Variants in IPO7 observed in about 807,000 individuals in gnomAD.
IPO7 encodes importin 7.
IPO7 carries 13 observed loss-of-function variants against 136.4 expected under a neutral mutation model. The observed-to-expected ratio is 0.10, with a 90% confidence interval of 0.06 to 0.15. The LOEUF (loss-of-function observed/expected upper bound fraction) is 0.15, where lower values mean the gene tolerates loss of function less well. Among genes scored for constraint, IPO7 ranks in the 10% least tolerant of loss-of-function variants. The probability of loss-of-function intolerance (pLI) is 1.00; values close to 1 mark genes in which losing one functional copy is unlikely to be tolerated. For synonymous variants in IPO7, 403 were observed against 404.4 expected, an observed-to-expected ratio of 1.00 and a Z score of 0.04; for missense variants, 857 against 1,240.6, an observed-to-expected ratio of 0.69 and a Z score of 4.65.
chr11:9,414,333 C>T lies in IPO7; in HGVS notation c.558C>T (p.Ile186=), dbSNP rs1228057703. 2 of 1,612,634 alleles carry T rather than the reference C, an allele frequency of 1.2e-6. No individual in the cohort carries two copies. Among genetic ancestry groups the T allele is most frequent in the Admixed American group, 3.3e-5 (2 of 59,974 alleles). Residue 186 remains isoleucine, a synonymous_variant, in exon 5 of 25, where the codon ATC becomes ATT. Transcript: ENST00000379719. ...TGCCAGTTCTAAAGGATCGTTTTAT[C>T]CAGCTTCTTTCTGACCAGTCTGATC... ...HFLPVLKDRF[I]QLLSDQSDQS...
chr11:9,428,118 T>G (rs1855238675), intron 12 of IPO7, among the ~76,000 whole-genome samples: 1 of 150,602 alleles, frequency 6.6e-6, no homozygotes. Flanking sequence ...AGACTCCGTC[T>G]CAAAAAAAAA....
chr11:9,431,848 G>T (rs866854218), intron 16 of IPO7, among the ~76,000 whole-genome samples: 1 of 152,036 alleles, frequency 6.6e-6, no homozygotes, highest in African/African-American at 2.4e-5. Context: ...GGTGGCGGGC[G>T]CCTGTAATCC....
chr11:9,425,952 A>G (rs996103499), intron 12 of IPO7, among the ~76,000 whole-genome samples: 17 of 152,010 alleles, frequency 1.1e-4, no homozygotes, highest in African/African-American at 4.1e-4. Flanking sequence ...AGGCTGAGGC[A>G]GGAGAATCAC....
chr11:9,434,779 A>G (rs1426058015), intron 18 of IPO7, among the ~76,000 whole-genome samples, 155 bp from the exon 19 acceptor site: 1 of 152,222 alleles, frequency 6.6e-6, no homozygotes, highest in Admixed American at 6.5e-5. Flanking sequence ...CATCCTGAGC[A>G]ACAGAGTGAG....
chr11:9,446,820 A>G lies in IPO7; in HGVS notation c.*1626A>G, dbSNP rs4810. On this transcript the variant is annotated 3_prime_UTR_variant, in exon 25 of 25. Transcript: ENST00000379719. The stretch of plus-strand genomic sequence containing the variant: ...TACTGTTGGCACTGTTTGGTTTTCT[A>G]TTTTAACACTGAAGGAGTGAAAGTA... 48,220 of 152,076 alleles carry G rather than the reference A, an allele frequency of 0.32. 9,264 individuals carry two copies. Among genetic ancestry groups the G allele is most frequent in the Non-Finnish European group, 0.43 (29,132 of 67,946 alleles). The allele number at this position is 152,076 out of a possible 1,614,324, so 9.4% of individuals were successfully genotyped here.
At chr11:9,392,984 A>T (rs1445684968) in intron 1 of IPO7, among the ~76,000 whole-genome samples, 2 of 151,686 alleles carry the variant, frequency 1.3e-5, no homozygotes, top group African/African-American at 4.8e-5. Context: ...TTTGAAGAGT[A>T]TGTTTTAAAA....
chr11:9,388,269 C>T (rs1217616497), intron 1 of IPO7, among the ~76,000 whole-genome samples: 1 of 148,562 alleles, frequency 6.7e-6, no homozygotes, highest in Non-Finnish European at 1.5e-5. Flanking sequence ...CTTCTGCCTC[C>T]TGGGTTCAAG....
intron 2 of IPO7, among the ~76,000 whole-genome samples, chr11:9,405,029 G>A (rs911365428): frequency 6.6e-6 from 1 of 151,978 alleles, no homozygotes; most frequent in African/African-American, 2.4e-5. Flanking sequence ...AGGTACTCAG[G>A]AAATAAATGA....
chr11:9,391,256 G>A (rs1590424541), intron 1 of IPO7, among the ~76,000 whole-genome samples: 1 of 151,964 alleles, frequency 6.6e-6, no homozygotes, highest in South Asian at 2.1e-4. Flanking sequence ...AAAATTAGCC[G>A]GGTGTGGTGG....
intron 1 of IPO7, among the ~76,000 whole-genome samples, chr11:9,389,852 C>T (rs1256197829): frequency 3.3e-5 from 5 of 151,912 alleles, no homozygotes; most frequent in African/African-American, 1.2e-4. Context: ...CTCCATCTCC[C>T]GGGTTCAGGC....
In IPO7 at chr11:9,438,532, G is replaced by A. The variant is rs1489778677; in HGVS notation, c.2695+247G>A. 2.6e-5 allele frequency among the ~76,000 whole-genome samples: 4 copies of A among 151,938 alleles called. No homozygotes were observed. The South Asian group carries it at 6.2e-4, about 24-fold the overall frequency. On this transcript the variant is annotated intron_variant, in intron 22 of 24. Transcript: ENST00000379719. ...CCCAGCTACTTGGGAGGCTGAGGCA[G>A]GAGAATCGCTTGAACCCATGAGGCG...
intron 1 of IPO7, chr11:9,403,087 A>G: frequency 1.7e-6 from 1 of 587,886 alleles, no homozygotes; most frequent in Non-Finnish European, 3.0e-6. Flanking sequence ...CAGGCTAATG[A>G]AAACATCCAA....
At chr11:9,393,703 A>C (rs1854669184) in intron 1 of IPO7, among the ~76,000 whole-genome samples, 2 of 151,860 alleles carry the variant, frequency 1.3e-5, no homozygotes, top group Non-Finnish European at 2.9e-5. Flanking sequence ...TTTCTTACAT[A>C]GATTTAATAA....
Position 9,408,593 on chromosome 11 carries a change from C to A in IPO7, c.274C>A (p.Arg92=). ...TCCAGAAGAAGATCGCCATTGTATT[C>A]GAGAAAATATTGTAGAAGCCATTAT... ...TIPEEDRHCI[R]ENIVEAIIHS... The change falls in exon 3 of 25, where the codon CGA becomes AGA. Residue 92 remains arginine (R), a synonymous_variant. Coordinates refer to ENST00000379719, the MANE Select transcript of IPO7 (RefSeq NM_006391.3). 6.2e-7 allele frequency: 1 copy of A among 1,608,354 alleles called. No homozygotes were observed. Among genetic ancestry groups the A allele is most frequent in the South Asian group, 1.1e-5 (1 of 90,288 alleles).
chr11:9,422,430 A>G (rs1052233378), intron 8 of IPO7, among the ~76,000 whole-genome samples: 5 of 152,020 alleles, frequency 3.3e-5, no homozygotes, highest in Admixed American at 6.6e-5. Flanking sequence ...AAAAAAAGAC[A>G]ATATCATTAT....
rs192868299 is a variant in IPO7, at chr11:9,405,299, C to T, written c.166+1928C>T. On this transcript the variant is annotated intron_variant, in intron 2 of 24. Coordinates refer to ENST00000379719, the MANE Select transcript of IPO7 (RefSeq NM_006391.3). ...ACGCCATTCTCCTGCCTCAGCCTCC[C>T]GAGTAGCTGGGACTATAGGCGCCCG... Among the ~76,000 whole-genome samples, 161 of 151,948 alleles carry T rather than the reference C, an allele frequency of 1.1e-3. 5 individuals are homozygous for T. The East Asian group carries it at 0.029, about 28-fold the overall frequency.
intron 2 of IPO7, among the ~76,000 whole-genome samples, chr11:9,407,520 A>C (rs899473424): frequency 6.6e-6 from 1 of 152,120 alleles, no homozygotes; most frequent in African/African-American, 2.4e-5. Flanking sequence ...GCACCACTGC[A>C]CTCCAGCCTG....
In IPO7 at chr11:9,417,238, T is replaced by C. The variant is rs555845801; in HGVS notation, c.726+90T>C. 5 of 566,080 alleles carry C rather than the reference T, an allele frequency of 8.8e-6. No homozygotes were observed. In the East Asian group the frequency reaches 1.5e-4, roughly 17 times the overall value. The allele number at this position is 566,080 out of a possible 1,614,324, so 35.1% of individuals were successfully genotyped here. On this transcript the variant is annotated intron_variant, in intron 6 of 24. Transcript: ENST00000379719. The stretch of plus-strand genomic sequence containing the variant: ...AACTGGTGTTTCCTGTAACATTCTT[T>C]ATGAATTTTTATAATATGGTGATGT...
chr11:9,406,920 C>T (rs561176065), intron 2 of IPO7, among the ~76,000 whole-genome samples: 1 of 152,208 alleles, frequency 6.6e-6, no homozygotes, highest in South Asian at 2.1e-4. Context: ...AATGAGATTT[C>T]TGTAGTGCAT....
Sources: allele counts gnomAD v4.1 joint callset (sites outside exome capture counted in the v4.1 genomes callset), GRCh38; gene constraint gnomAD v4.1.1; transcripts MANE v1.5; gene names NCBI Gene and HGNC (gene_info 2026-07-23, HGNC 2026-07-21).